WDFY2: variants seen among roughly 807,000 people sequenced by gnomAD.
WDFY2 encodes WD repeat and FYVE domain containing 2, also known as WD repeat and FYVE domain-containing protein 2.
Under a neutral mutation model 56.4 loss-of-function variants are expected in WDFY2, and 36 were observed. That is an observed-to-expected ratio of 0.64 (90% CI 0.49 to 0.84). WDFY2 has a LOEUF of 0.84. Ranked by LOEUF, WDFY2 falls within the 40% of genes least tolerant of loss-of-function variation. The pLI is 0.00. For synonymous variants in WDFY2, 176 were observed against 183.7 expected, an observed-to-expected ratio of 0.96 and a Z score of 0.34; for missense variants, 444 against 512.2, an observed-to-expected ratio of 0.87 and a Z score of 1.29.
chr13:51,695,034 A>G (rs535255185), intron 3 of WDFY2, among the ~76,000 whole-genome samples: 2 of 152,184 alleles, frequency 1.3e-5, no homozygotes, highest in Non-Finnish European at 1.5e-5. Context: ...CAGCTCCATC[A>G]GCTCCTTTAA....
intron 1 of WDFY2, among the ~76,000 whole-genome samples, chr13:51,656,027 T>C (rs533397237): frequency 6.6e-6 from 1 of 152,068 alleles, no homozygotes; most frequent in South Asian, 2.1e-4. Flanking sequence ...AACTGACCTT[T>C]TGTTTCATTG....
intron 1 of WDFY2, chr13:51,590,767 A>C (rs1954027646): frequency 6.6e-6 from 1 of 152,062 alleles, no homozygotes; most frequent in Non-Finnish European, 1.5e-5. Flanking sequence ...ACAGAGAAAA[A>C]AAAAACAAAA....
chr13:51,756,529 G>T, intron 10 of WDFY2, 67 bp downstream of exon 10: 1 of 1,532,082 alleles, frequency 6.5e-7, no homozygotes. Context: ...CTTGCACTCA[G>T]CGCCGCAACC....
rs1593902298 is a variant in WDFY2, at chr13:51,629,778, C to T, written c.138-30818C>T. 2.0e-5 allele frequency among the ~76,000 whole-genome samples: 3 copies of T among 149,718 alleles called. No homozygotes were observed. The South Asian group carries it at 6.4e-4, about 32-fold the overall frequency. On this transcript the variant is annotated intron_variant, in intron 1 of 11. Transcript: ENST00000298125. ...TGAGGCTTTTTGTTTTCTTCAGTAA[C>T]GGTTCTCTTTAGTTCTTTGATTTTT...
At chr13:51,751,468 T>C (rs761021612) in intron 8 of WDFY2, 53 bp downstream of exon 8, 18 of 1,453,084 alleles carry the variant, frequency 1.2e-5, no homozygotes, top group Non-Finnish European at 1.6e-5. Flanking sequence ...CCTGCCTCCC[T>C]TCCTGCTTAT....
chr13:51,692,746 T>C (rs1951770734), intron 3 of WDFY2, among the ~76,000 whole-genome samples: 1 of 152,208 alleles, frequency 6.6e-6, no homozygotes, highest in South Asian at 2.1e-4. Context: ...TTTCTATTGA[T>C]TGGAATAGTT....
chr13:51,683,596 C>G (rs1956013093), intron 3 of WDFY2, among the ~76,000 whole-genome samples: 1 of 152,198 alleles, frequency 6.6e-6, no homozygotes, highest in Non-Finnish European at 1.5e-5. Context: ...TCCAGGGAAT[C>G]ATCTGACATT....
intron 1 of WDFY2, among the ~76,000 whole-genome samples, chr13:51,649,487 C>T (rs1250296483): frequency 1.3e-5 from 2 of 150,912 alleles, no homozygotes; most frequent in Non-Finnish European, 2.9e-5. Context: ...AGGTTTGTTA[C>T]ATATGTATAC....
At chr13:51,618,202 A>G (rs1022675214) in intron 1 of WDFY2, among the ~76,000 whole-genome samples, 4 of 152,238 alleles carry the variant, frequency 2.6e-5, no homozygotes, top group Admixed American at 2.0e-4. Flanking sequence ...CACTTCTTTA[A>G]GAGAGTACAG....
intron 3 of WDFY2, among the ~76,000 whole-genome samples, chr13:51,700,347 G>A (rs1021335512): frequency 7.9e-5 from 12 of 152,178 alleles, no homozygotes; most frequent in Admixed American, 3.9e-4. Context: ...AGAAGGAATA[G>A]AAACTATTTT....
At chr13:51,657,149 A>G (rs1222404680) in intron 1 of WDFY2, among the ~76,000 whole-genome samples, 1 of 152,000 alleles carries the variant, frequency 6.6e-6, no homozygotes, top group Non-Finnish European at 1.5e-5. Flanking sequence ...AATTTATATA[A>G]TCTAGTTTGA....
At chr13:51,629,728 T>TA (rs1005478812) in intron 1 of WDFY2, among the ~76,000 whole-genome samples, 1 of 152,064 alleles carries the variant, frequency 6.6e-6, no homozygotes, top group African/African-American at 2.4e-5. Flanking sequence ...AGAAAGTAGC[T>TA]ATGTCACTGT....
chr13:51,753,692 A>T lies in WDFY2; in HGVS notation c.832-1666A>T, dbSNP rs11616844. ...TTAGCTCCCAAATGCCTCCTCACAG[A>T]TACCCACTGTGATGTGTTTGATGTG... On this transcript the variant is annotated intron_variant, in intron 8 of 11. Transcript: ENST00000298125. 5.1e-3 allele frequency among the ~76,000 whole-genome samples: 778 copies of T among 152,174 alleles called. 3 individuals are homozygous for T. The highest frequency in any genetic ancestry group is 0.01 in the Middle Eastern group (3 of 294).
intron 4 of WDFY2, among the ~76,000 whole-genome samples, chr13:51,706,899 A>C (rs1443679096): frequency 6.6e-6 from 1 of 152,224 alleles, no homozygotes; most frequent in African/African-American, 2.4e-5. Context: ...GAGTACCAAG[A>C]ATCTTAGATA....
At chr13:51,731,740 A>G (rs1952727278) in intron 6 of WDFY2, among the ~76,000 whole-genome samples, 1 of 152,218 alleles carries the variant, frequency 6.6e-6, no homozygotes. Context: ...GATTTTTGTA[A>G]GGACAAAATG....
chr13:51,652,786 A>T (rs2138432736), intron 1 of WDFY2, among the ~76,000 whole-genome samples: 1 of 152,292 alleles, frequency 6.6e-6, no homozygotes, highest in South Asian at 2.1e-4. Flanking sequence ...TGTTAGTCTG[A>T]TGGGCTTCCC....
In WDFY2 at chr13:51,668,104, C is replaced by T. The variant is rs572337816; in HGVS notation, c.206-7066C>T. ...GACGGGGTTTCACTGTGGTCTCGAT[C>T]TCCTGACTTCGTGATGCACCTGCCT... On this transcript the variant is annotated intron_variant, in intron 2 of 11. Transcript: ENST00000298125. 5.3e-5 allele frequency among the ~76,000 whole-genome samples: 8 copies of T among 152,002 alleles called. No homozygotes were observed. In the East Asian group the frequency reaches 1.5e-3, roughly 29 times the overall value.
chr13:51,652,165 T>A (rs1164549277), intron 1 of WDFY2, among the ~76,000 whole-genome samples: 2 of 152,314 alleles, frequency 1.3e-5, no homozygotes, highest in South Asian at 4.1e-4. Flanking sequence ...GTAATGGCCT[T>A]CTTTGTCTCT....
chr13:51,723,709 G>T (rs968122381), intron 5 of WDFY2, among the ~76,000 whole-genome samples: 1 of 152,204 alleles, frequency 6.6e-6, no homozygotes, highest in Non-Finnish European at 1.5e-5. Context: ...GCATTGGATT[G>T]TCGCCCTTTC....
Sources: gnomAD v4.1 joint callset for allele counts (sites outside exome capture counted in the v4.1 genomes callset) on GRCh38, gnomAD v4.1.1 for gene constraint, MANE v1.5 for transcripts, NCBI Gene and HGNC (gene_info 2026-07-23, HGNC 2026-07-21) for gene names.